PTBP2: variants seen among roughly 807,000 people sequenced by gnomAD.
The protein encoded by PTBP2 is polypyrimidine tract-binding protein 2.
PTBP2 carries 13 observed loss-of-function variants against 61.4 expected under a neutral mutation model. The ratio of observed to expected loss-of-function variants is 0.21; its 90% CI spans 0.14 to 0.34. The LOEUF (loss-of-function observed/expected upper bound fraction) is 0.34, where lower values mean the gene tolerates loss of function less well. Among genes scored for constraint, PTBP2 ranks in the 10% least tolerant of loss-of-function variants. The pLI is 1.00. For missense variants in PTBP2, 405 were observed against 642.6 expected, an observed-to-expected ratio of 0.63 and a Z score of 4.00; for synonymous variants, 215 against 218.5, an observed-to-expected ratio of 0.98 and a Z score of 0.14.
At chr1:96,808,311 G>A (rs141671850) in intron 11 of PTBP2, among the ~76,000 whole-genome samples, 39 of 152,164 alleles carry the variant, frequency 2.6e-4, no homozygotes, top group African/African-American at 8.7e-4. Context: ...AAACTTTGGG[G>A]TCTAGAAGTC....
intron 3 of PTBP2, among the ~76,000 whole-genome samples, chr1:96,766,772 A>C (rs1027831116): frequency 2.0e-5 from 3 of 152,168 alleles, no homozygotes; most frequent in Admixed American, 1.3e-4. Flanking sequence ...TTGATAGTTT[A>C]CTACAGTAAC....
intron 3 of PTBP2, among the ~76,000 whole-genome samples, chr1:96,757,991 A>G (rs781318297): frequency 1.3e-5 from 2 of 152,124 alleles, no homozygotes; most frequent in Non-Finnish European, 2.9e-5. Context: ...GGAAAAAGAC[A>G]TAAATTACCA....
chr1:96,789,119 AT>A (rs1264607348), intron 8 of PTBP2, among the ~76,000 whole-genome samples: 1 of 151,960 alleles, frequency 6.6e-6, no homozygotes, highest in Non-Finnish European at 1.5e-5. Context: ...GCTGGAAGTA[AT>A]TTTTCATGAT....
chr1:96,727,356 C>T (rs1650717718), intron 2 of PTBP2, among the ~76,000 whole-genome samples: 1 of 151,810 alleles, frequency 6.6e-6, no homozygotes, highest in Admixed American at 6.6e-5. Context: ...TAGTTGTGAA[C>T]ATTACTGTAC....
rs1187793313 is a variant in PTBP2, at chr1:96,762,448, A to AC, written c.116-7248dup. Among the ~76,000 whole-genome samples, 90 of 113,926 alleles carry AC rather than the reference A, an allele frequency of 7.9e-4. 1 individual carries two copies. Among genetic ancestry groups the AC allele is most frequent in the African/African-American group, 2.5e-3 (70 of 28,462 alleles). The allele number at this position is 113,926 out of a possible 152,430, so 74.7% of individuals were successfully genotyped here. ...GGGCAGCTGGCCGGGCGGGGGGCTG[A>AC]CCCCCCCACCTCCCTCCCGGACGGG... On this transcript the variant is annotated intron_variant, in intron 3 of 13. Coordinates refer to ENST00000674951, the MANE Select transcript of PTBP2 (RefSeq NM_021190.4).
intron 2 of PTBP2, among the ~76,000 whole-genome samples, chr1:96,733,886 T>A (rs1461761324): frequency 6.6e-6 from 1 of 152,190 alleles, no homozygotes; most frequent in Non-Finnish European, 1.5e-5. Context: ...TTATGACTGA[T>A]CTCCAAAAAG....
chr1:96,739,550 G>A (rs532595960), intron 2 of PTBP2, among the ~76,000 whole-genome samples: 1 of 148,074 alleles, frequency 6.8e-6, no homozygotes, highest in South Asian at 2.2e-4. Flanking sequence ...GAATTATACA[G>A]TATAGGTTAA....
chr1:96,816,743 A>G (rs1662501806), downstream of PTBP2: 2 of 152,140 alleles, frequency 1.3e-5, no homozygotes, highest in African/African-American at 4.8e-5. Context: ...GGGAAAGGAC[A>G]AATCACTTTT....
At chr1:96,794,505 T>C (rs1660169527) in intron 8 of PTBP2, among the ~76,000 whole-genome samples, 1 of 152,240 alleles carries the variant, frequency 6.6e-6, no homozygotes, top group Non-Finnish European at 1.5e-5. Flanking sequence ...TCTAAAAGGC[T>C]ACCCTCAATT....
chr1:96,752,697 T>C (rs910832613), intron 3 of PTBP2, among the ~76,000 whole-genome samples: 9 of 152,128 alleles, frequency 5.9e-5, no homozygotes, highest in African/African-American at 1.4e-4. Flanking sequence ...TGATCGATAA[T>C]GGGAAATTAA....
chr1:96,744,616 T>A (rs1387090294), intron 2 of PTBP2, among the ~76,000 whole-genome samples: 1 of 152,186 alleles, frequency 6.6e-6, no homozygotes, highest in Admixed American at 6.5e-5. Context: ...GTATTAAAAA[T>A]CATTTGTAGT....
chr1:96,734,023 A>G (rs1376067774), intron 2 of PTBP2, among the ~76,000 whole-genome samples: 1 of 152,202 alleles, frequency 6.6e-6, no homozygotes, highest in East Asian at 1.9e-4. Flanking sequence ...AGTTCTAGGC[A>G]TACTACATTA....
At chr1:96,766,760 T>C (rs1193179085) in intron 3 of PTBP2, among the ~76,000 whole-genome samples, 2 of 152,138 alleles carry the variant, frequency 1.3e-5, no homozygotes, top group Admixed American at 6.5e-5. Flanking sequence ...GTAGTGTAAA[T>C]GTTGATAGTT....
chr1:96,805,621 A>G (rs562760035), intron 9 of PTBP2, among the ~76,000 whole-genome samples: 11 of 151,760 alleles, frequency 7.2e-5, no homozygotes, highest in Non-Finnish European at 5.9e-5. Context: ...GAAAGCTGGT[A>G]TGAAATGTGG....
chr1:96,750,301 G>T (rs1176393781), intron 2 of PTBP2, among the ~76,000 whole-genome samples: 1 of 151,870 alleles, frequency 6.6e-6, no homozygotes, highest in Non-Finnish European at 1.5e-5. Context: ...TGCCATGCCA[G>T]ATCTTCCATA....
chr1:96,811,014 TA>T (rs1446022655), intron 11 of PTBP2, among the ~76,000 whole-genome samples: 1 of 152,012 alleles, frequency 6.6e-6, no homozygotes, highest in Non-Finnish European at 1.5e-5. Context: ...TGAGAAAACT[TA>T]AAATATATAA....
At chr1:96,800,309 C>A (rs565148200) in intron 8 of PTBP2, among the ~76,000 whole-genome samples, 3 of 150,678 alleles carry the variant, frequency 2.0e-5, no homozygotes, top group Admixed American at 1.3e-4. Context: ...TCATCTATTT[C>A]GAGCCCAAAT....
chr1:96,756,575 C>T (rs1040910534), intron 3 of PTBP2, among the ~76,000 whole-genome samples: 38 of 151,880 alleles, frequency 2.5e-4, no homozygotes, highest in African/African-American at 9.2e-4. Flanking sequence ...GCCAAATAAA[C>T]TGTGGTGTAT....
At chr1:96,745,149 T>C (rs1032296855) in intron 2 of PTBP2, among the ~76,000 whole-genome samples, 3 of 151,626 alleles carry the variant, frequency 2.0e-5, no homozygotes, top group African/African-American at 7.3e-5. Flanking sequence ...AATACTATTG[T>C]ATATTCCATA....
Sources: allele counts gnomAD v4.1 joint callset (sites outside exome capture counted in the v4.1 genomes callset), GRCh38; gene constraint gnomAD v4.1.1; transcripts MANE v1.5; gene names NCBI Gene and HGNC (gene_info 2026-07-23, HGNC 2026-07-21).